Variants in CEP112 observed in about 807,000 individuals in gnomAD.
The protein encoded by CEP112 is centrosomal protein 112, also known as centrosomal protein of 112 kDa.
Under a neutral mutation model 153.0 loss-of-function variants are expected in CEP112, and 127 were observed. That is an observed-to-expected ratio of 0.83 (90% CI 0.72 to 0.96). The LOEUF (loss-of-function observed/expected upper bound fraction) is 0.96. Among genes scored for constraint, CEP112 ranks in the 40% least tolerant of loss-of-function variants. The pLI is 0.00. For missense variants in CEP112, 1,089 were observed against 1,101.2 expected, an observed-to-expected ratio of 0.99 and a Z score of 0.16; for synonymous variants, 358 against 374.4, an observed-to-expected ratio of 0.96 and a Z score of 0.51.
In CEP112 at chr17:66,019,977, G is replaced by A. The variant is rs543672960; in HGVS notation, c.1656+7524C>T. On this transcript the variant is annotated intron_variant, in intron 16 of 26. Transcript: ENST00000535342. ...CCTTTCTAGGTCTATCTCTATGTGC[G>A]TAACAGTCCTCAGCAGGATGTAATG... Among the ~76,000 whole-genome samples, 23 of 152,290 alleles carry A rather than the reference G, an allele frequency of 1.5e-4. No individual in the cohort carries two copies. The South Asian group carries it at 4.8e-3, about 32-fold the overall frequency.
chr17:65,699,989 G>C (rs2144568400), intron 23 of CEP112, among the ~76,000 whole-genome samples: 1 of 152,156 alleles, frequency 6.6e-6, no homozygotes. Flanking sequence ...GGACCTCTCT[G>C]TTGCACCGGG....
intron 17 of CEP112, among the ~76,000 whole-genome samples, chr17:65,983,003 C>T (rs182625612): frequency 6.6e-5 from 10 of 152,232 alleles, no homozygotes; most frequent in African/African-American, 1.9e-4. Flanking sequence ...TATGACATAT[C>T]CAGGAAAGAT....
chr17:65,924,675 T>A (rs1262852719), intron 19 of CEP112, among the ~76,000 whole-genome samples: 2 of 152,176 alleles, frequency 1.3e-5, no homozygotes, highest in Non-Finnish European at 2.9e-5. Context: ...CTTCCCTACC[T>A]CTACAAAATA....
intron 17 of CEP112, among the ~76,000 whole-genome samples, chr17:65,964,989 A>G (rs2062358090): frequency 6.6e-6 from 1 of 152,196 alleles, no homozygotes; most frequent in Non-Finnish European, 1.5e-5. Flanking sequence ...GAAAGATAAC[A>G]CATTTTATAA....
chr17:65,848,272 T>C (rs976244324), intron 21 of CEP112, among the ~76,000 whole-genome samples: 2 of 152,192 alleles, frequency 1.3e-5, no homozygotes, highest in African/African-American at 4.8e-5. Flanking sequence ...TGAAACCCTG[T>C]TTCTGGGCAC....
chr17:66,185,360 T>C (rs1349588180), intron 1 of CEP112, among the ~76,000 whole-genome samples: 2 of 152,168 alleles, frequency 1.3e-5, no homozygotes, highest in African/African-American at 4.8e-5. Flanking sequence ...GTAGCTGGGA[T>C]TACAGGCACA....
chr17:65,792,976 G>A (rs538106550), intron 21 of CEP112, among the ~76,000 whole-genome samples: 1 of 151,978 alleles, frequency 6.6e-6, no homozygotes, highest in Non-Finnish European at 1.5e-5. Context: ...TTAGCTGGAC[G>A]CCTAGTGGGC....
chr17:66,146,463 C>T (rs1394825231), intron 4 of CEP112, among the ~76,000 whole-genome samples: 2 of 151,836 alleles, frequency 1.3e-5, no homozygotes, highest in Non-Finnish European at 2.9e-5. Context: ...CTTTCATTCC[C>T]GATATTATTA....
At chr17:65,785,337 A>G (rs985675285) in intron 21 of CEP112, among the ~76,000 whole-genome samples, 3 of 152,150 alleles carry the variant, frequency 2.0e-5, no homozygotes, top group African/African-American at 7.2e-5. Flanking sequence ...TGTACTTAGG[A>G]GTTGAATTGC....
At chr17:65,862,770 T>C (rs1239615284) in intron 20 of CEP112, among the ~76,000 whole-genome samples, 1 of 152,190 alleles carries the variant, frequency 6.6e-6, no homozygotes, top group Admixed American at 6.5e-5. Context: ...AGAAGAATGC[T>C]TCTAAAAGAT....
chr17:65,887,891 G>T (rs2059337213), intron 20 of CEP112, among the ~76,000 whole-genome samples: 1 of 152,136 alleles, frequency 6.6e-6, no homozygotes, highest in African/African-American at 2.4e-5. Context: ...GTCTCTATGT[G>T]ACTATAGTTT....
At chr17:66,190,141 C>T (rs966204913) in intron 1 of CEP112, among the ~76,000 whole-genome samples, 1 of 151,660 alleles carries the variant, frequency 6.6e-6, no homozygotes, top group African/African-American at 2.4e-5. Flanking sequence ...ACAAGCCTGG[C>T]CAATTAAAAA....
intron 6 of CEP112, among the ~76,000 whole-genome samples, chr17:66,104,492 T>C (rs12602270): frequency 0.58 from 87,766 of 152,010 alleles, 26,379 homozygotes; most frequent in East Asian, 0.94. Context: ...AGTACTTGCG[T>C]GGGCCTGGGG....
chr17:65,918,062 C>T (rs11079596), intron 19 of CEP112, among the ~76,000 whole-genome samples: 32,648 of 151,368 alleles, frequency 0.22, 3,710 homozygotes, highest in South Asian at 0.38. Context: ...TGCCTGTAGT[C>T]CCAGCTACTT....
At chr17:65,746,678 A>G (rs1040459845) in intron 22 of CEP112, among the ~76,000 whole-genome samples, 1 of 152,142 alleles carries the variant, frequency 6.6e-6, no homozygotes, top group Non-Finnish European at 1.5e-5. Flanking sequence ...GTAGAACTAT[A>G]ATCATGGTAA....
At chr17:65,811,427 G>T (rs1221765354) in intron 21 of CEP112, among the ~76,000 whole-genome samples, 1 of 152,176 alleles carries the variant, frequency 6.6e-6, no homozygotes, top group Non-Finnish European at 1.5e-5. Context: ...GTGGGGGTTG[G>T]GGAGGGCAGA....
chr17:65,838,184 T>C (rs2057393440), intron 21 of CEP112, among the ~76,000 whole-genome samples: 2 of 152,158 alleles, frequency 1.3e-5, no homozygotes. Flanking sequence ...TCCACCCAAC[T>C]GCTGCAGACA....
chr17:66,129,951 A>G, intron 5 of CEP112, 128 bp from the exon 6 acceptor site: 1 of 556,414 alleles, frequency 1.8e-6, no homozygotes, highest in South Asian at 2.8e-5. Context: ...AGGAAGTAAA[A>G]AAGGAAAAAA....
At chr17:65,837,092 C>T (rs1223684370) in intron 21 of CEP112, among the ~76,000 whole-genome samples, 2 of 152,184 alleles carry the variant, frequency 1.3e-5, no homozygotes, top group African/African-American at 4.8e-5. Flanking sequence ...GACGGAGTCT[C>T]GCTCACTCAG....
Sources: allele counts gnomAD v4.1 joint callset (sites outside exome capture counted in the v4.1 genomes callset), GRCh38; gene constraint gnomAD v4.1.1; transcripts MANE v1.5; gene names NCBI Gene and HGNC (gene_info 2026-07-23, HGNC 2026-07-21).